Variants in ZNF443 observed in about 807,000 individuals in gnomAD.
ZNF443 encodes Kruppel-type zinc finger (C2H2).
Under a neutral mutation model 12.0 loss-of-function variants are expected in ZNF443, and 3 were observed. That is an observed-to-expected ratio of 0.25 (90% CI 0.11 to 0.64). The LOEUF (loss-of-function observed/expected upper bound fraction) is 0.64. Ranked by LOEUF, ZNF443 falls within the 30% of genes least tolerant of loss-of-function variation. The pLI, the probability that ZNF443 is intolerant of heterozygous loss-of-function variation, is 0.84. For synonymous variants in ZNF443, 225 were observed against 265.9 expected (o/e 0.85, Z 1.50); for missense variants, 770 against 808.8 (o/e 0.95, Z 0.58).
chr19:12,433,587 A>T (rs1970279739), intron 1 of ZNF443, among the ~76,000 whole-genome samples: 1 of 152,180 alleles, frequency 6.6e-6, no homozygotes. Context: ...ATGCTTTTTC[A>T]CAAAGTTGGG....
chr19:12,440,208 A>G (rs1215614105), intron 1 of ZNF443, among the ~76,000 whole-genome samples: 2 of 138,816 alleles, frequency 1.4e-5, no homozygotes, highest in African/African-American at 5.4e-5. Context: ...GCGAGATTGC[A>G]GTTAGATATT....
rs1970249973 is a variant in ZNF443 at position 12,431,243 on chromosome 19, G to A, written c.929C>T (p.Thr310Ile). The A allele has an allele frequency of 1.3e-5, 21 of 1,611,564 alleles. No homozygotes were observed. Among genetic ancestry groups the A allele is most frequent in the East Asian group, 2.2e-5 (1 of 44,668 alleles). The change falls in exon 4 of 4, where the codon ACA becomes ATA. Residue 310 changes from threonine to isoleucine, a missense_variant. By Grantham distance (89) the Thr-to-Ile change is moderately conservative. This residue lies in a region of ZNF443 where 736 missense variants were observed against 689.4 expected (regional missense o/e 1.07). Coordinates refer to ENST00000301547, the MANE Select transcript of ZNF443 (RefSeq NM_005815.5). ...GAAGGCTTTCCCACATTGTTTACAT[G>A]TATAGGGTTTCTCTCCAGTGTGAGT... Reference protein sequence around the residue: ...ERTHTGEKPYTCKQCGKAFSV... With the variant: ...ERTHTGEKPYICKQCGKAFSV...
chr19:12,437,913 G>A (rs1970329704), intron 1 of ZNF443, among the ~76,000 whole-genome samples: 2 of 146,276 alleles, frequency 1.4e-5, no homozygotes, highest in Non-Finnish European at 3.0e-5. Flanking sequence ...CCAATATGGT[G>A]AAACCCCGTC....
In ZNF443 at chr19:12,441,008, C is replaced by A. The variant is rs1479079853; in HGVS notation, c.-94G>T. 19 of 1,606,522 alleles carry A rather than the reference C, an allele frequency of 1.2e-5. No homozygotes were observed. The highest frequency in any genetic ancestry group is 6.8e-5 in the Admixed American group (4 of 59,254). On this transcript the variant is annotated 5_prime_UTR_variant, in exon 1 of 4. Transcript: ENST00000301547. ...AAAGGCTGCCTCAGAACTTCCAGGT[C>A]GTCTCTCAGCTACAGAACCCAGAGC...
Position 12,431,568 on chromosome 19 carries a change from A to C in ZNF443, c.604T>G (p.Cys202Gly). 6.2e-7 allele frequency: 1 copy of C among 1,614,130 alleles called. No individual in the cohort carries two copies. ...RGDGPYKCKLCGKAFFWPSLL... is the reference protein window; with the variant it reads ...RGDGPYKCKLGGKAFFWPSLL... ...CTGGGCCAAAAAAACGCTTTCCCAC[A>C]CAACTTACATTTATAAGGTCCATCT... Residue 202 changes from cysteine to glycine, a missense_variant, in exon 4 of 4, where the codon TGT becomes GGT. Cys to Gly is a radical substitution (Grantham distance 159, BLOSUM62 -3). Around this residue, in one of 3 missense-constraint regions of ZNF443, gnomAD observed 736 missense variants for 689.4 expected, o/e 1.07. Coordinates refer to ENST00000301547, the MANE Select transcript of ZNF443 (RefSeq NM_005815.5).
rs1970281965 is a variant in ZNF443 at position 12,433,825 on chromosome 19, T to G, written c.4-628A>C. Among the ~76,000 whole-genome samples, 7 of 142,462 alleles carry G rather than the reference T, an allele frequency of 4.9e-5. No individual in the cohort carries two copies. The Admixed American group carries it at 5.1e-4, about 10-fold the overall frequency. The allele number at this position is 142,462 out of a possible 152,430, so 93.5% of individuals were successfully genotyped here. A position where few individuals can be genotyped will look rare whatever the true frequency, so the allele number is the denominator to read the frequency against. On this transcript the variant is annotated intron_variant, in intron 1 of 3. Transcript: ENST00000301547. ...CTCCAAAATGCACACTGAATGTTAA[T>G]CTCCAAAGTGGCAGAAAAAAAAAAA...
At chr19:12,435,077 A>G (rs931646112) in intron 1 of ZNF443, among the ~76,000 whole-genome samples, 2 of 150,806 alleles carry the variant, frequency 1.3e-5, no homozygotes, top group African/African-American at 4.9e-5. Flanking sequence ...CTCCAGATTC[A>G]AGCAATTCTC....
Position 12,430,241 on chromosome 19 carries a change from G to A in ZNF443, c.1931C>T (p.Thr644Ile), listed in dbSNP as rs1218735400. Residue 644 changes from threonine (T) to isoleucine (I), a missense_variant, in exon 4 of 4, where the codon ACT (threonine) becomes ATT (isoleucine). Physicochemically the swap from Thr to Ile is moderately conservative, Grantham distance 89 (BLOSUM62 -1). This residue lies in a region of ZNF443 where 30 missense variants were observed against 60.4 expected (regional missense o/e 0.50). Transcript: ENST00000301547. ...CTTACATTCATATGGGTTCTCTCCA[G>A]TGTGAGTTTTTTTCCAGTGAGTCTT... ...HKKTHWKKTH[T>I]GENPYECKEC... 6.2e-7 allele frequency: 1 copy of A among 1,613,778 alleles called. No individual in the cohort carries two copies. Among genetic ancestry groups the A allele is most frequent in the Non-Finnish European group, 8.5e-7 (1 of 1,179,844 alleles).
Position 12,432,380 on chromosome 19 carries a change from A to G in ZNF443, c.188T>C (p.Leu63Pro), listed in dbSNP as rs762890940. 4.5e-6 allele frequency: 7 copies of G among 1,570,638 alleles called. No homozygotes were observed. The South Asian group carries it at 5.8e-5, about 13-fold the overall frequency. ...TTCTCTTGTGAGTGTAAATTACCTT[A>G]GATTTTTCCTGGGATATCTATATTG... Reference protein sequence around the residue: ...EDQYRYPRKNLRCRMLERFVE... With the variant: ...EDQYRYPRKNPRCRMLERFVE... Residue 63 changes from leucine (L) to proline (P), a missense_variant, in exon 3 of 4, where the codon CTA (leucine) becomes CCA (proline). Leu to Pro is a moderately conservative substitution (Grantham distance 98). Coordinates refer to ENST00000301547, the MANE Select transcript of ZNF443 (RefSeq NM_005815.5).
At position 12,430,580 on chromosome 19, in the gene ZNF443, G is replaced by A. The variant is rs141813864; in HGVS notation, c.1592C>T (p.Pro531Leu). 69 of 1,613,598 alleles carry A rather than the reference G, an allele frequency of 4.3e-5. No individual in the cohort carries two copies. The African/African-American group carries it at 6.7e-4, about 16-fold the overall frequency. ...TTTCCTACATGTTTTACACTCATAA[G>A]GTTTCTCTCCTGTGTGAGTCCTTTT... ...RHKRTHTGEK[P>L]YECKTCRKAF... The change falls in exon 4 of 4, where the codon CCT (proline) becomes CTT (leucine). Residue 531 changes from proline (P) to leucine (L), a missense_variant. By Grantham distance (98) the Pro-to-Leu change is moderately conservative (BLOSUM62 -3). Transcript: ENST00000301547.
In ZNF443 at chr19:12,430,632, T is replaced by C. The variant is rs1252497155; in HGVS notation, c.1540A>G (p.Ser514Gly). 6 of 1,612,252 alleles carry C rather than the reference T, an allele frequency of 3.7e-6. No individual in the cohort carries two copies. The highest frequency in any genetic ancestry group is 5.1e-6 in the Non-Finnish European group (6 of 1,179,408). ...TGTCGAGAAAGGTATCTGAAACGACTGAATGCTTTCCCACATTCCTTACAC... is the reference window on the plus strand; with the variant it reads ...TGTCGAGAAAGGTATCTGAAACGACCGAATGCTTTCCCACATTCCTTACAC... Reference protein sequence around the residue: ...YECKECGKAFSRFRYLSRHKR... With the variant: ...YECKECGKAFGRFRYLSRHKR... The change falls in exon 4 of 4, where the codon AGT (serine) becomes GGT (glycine). Residue 514 changes from serine (S) to glycine (G), a missense_variant. Transcript: ENST00000301547.
Position 12,430,896 on chromosome 19 carries a change from A to G in ZNF443, c.1276T>C (p.Cys426Arg). Reference sequence around the variant, plus strand: ...CTGGGATAAACAAAGGCTTTCCCACATACCTTGCATTTATGAGGTCCATCT... The same window carrying G: ...CTGGGATAAACAAAGGCTTTCCCACGTACCTTGCATTTATGAGGTCCATCT... ...TGDGPHKCKVCGKAFVYPSVF... is the reference protein window; with the variant it reads ...TGDGPHKCKVRGKAFVYPSVF... The change falls in exon 4 of 4, where the codon TGT becomes CGT. Residue 426 changes from cysteine to arginine, a missense_variant. Coordinates refer to ENST00000301547, the MANE Select transcript of ZNF443 (RefSeq NM_005815.5). 6.2e-7 allele frequency: 1 copy of G among 1,614,064 alleles called. No individual in the cohort carries two copies. The highest frequency in any genetic ancestry group is 8.5e-7 in the Non-Finnish European group (1 of 1,179,984).
Position 12,431,583 on chromosome 19 carries a change from A to G in ZNF443, c.589T>C (p.Tyr197His). ...HMAVQRGDGP[Y>H]KCKLCGKAFF... ...GCTTTCCCACACAACTTACATTTAT[A>G]AGGTCCATCTCCACGCTGCACTGCC... Residue 197 changes from tyrosine to histidine, a missense_variant, in exon 4 of 4, where the codon TAT (tyrosine) becomes CAT (histidine). Tyr to His is a moderately conservative substitution (Grantham distance 83). Transcript: ENST00000301547. 2.5e-6 allele frequency: 4 copies of G among 1,614,138 alleles called. No homozygotes were observed. Among genetic ancestry groups the G allele is most frequent in the Non-Finnish European group, 3.4e-6 (4 of 1,179,996 alleles).
rs1230245178 is a variant in ZNF443, at chr19:12,430,618, G to A, written c.1554C>T (p.Tyr518=). 1.9e-6 allele frequency: 3 copies of A among 1,613,532 alleles called. No individual in the cohort carries two copies. In the African/African-American group the frequency reaches 4.0e-5, roughly 22 times the overall value. Residue 518 remains tyrosine, a synonymous_variant, in exon 4 of 4, where the codon TAC becomes TAT. Transcript: ENST00000301547. ...TGTGAGTCCTTTTATGTCGAGAAAG[G>A]TATCTGAAACGACTGAATGCTTTCC... The part of the protein sequence containing the change: ...ECGKAFSRFR[Y]LSRHKRTHTG...
rs772700869 is a variant in ZNF443 at position 12,431,043 on chromosome 19, G to A, written c.1129C>T (p.Pro377Ser). 153 of 1,613,016 alleles carry A rather than the reference G, an allele frequency of 9.5e-5. No individual in the cohort carries two copies. The Middle Eastern group carries it at 1.3e-3, about 14-fold the overall frequency. The change falls in exon 4 of 4, where the codon CCT becomes TCT. Residue 377 changes from proline to serine, a missense_variant. By Grantham distance (74) the Pro-to-Ser change is moderately conservative. Coordinates refer to ENST00000301547, the MANE Select transcript of ZNF443 (RefSeq NM_005815.5). ...CKICGKGFDC[P>S]SSLQSHERTH... ...CTTTCATGACTTTGCAGTGAACTAG[G>A]ACAATCAAAGCCTTTCCCACATATC...
chr19:12,440,924 T>A lies in ZNF443; in HGVS notation c.-10A>T. On this transcript the variant is annotated 5_prime_UTR_variant, in exon 1 of 4. Transcript: ENST00000301547. ...CCAGCACACGCACCATTTCCCGACT[T>A]CCGCGGTGTCCCAGGTCCTACCGAC... is the stretch of plus-strand genomic sequence containing the variant. 1 of 1,614,014 alleles carries A rather than the reference T, an allele frequency of 6.2e-7. No homozygotes were observed. Among genetic ancestry groups the A allele is most frequent in the Non-Finnish European group, 8.5e-7 (1 of 1,179,948 alleles).
At chr19:12,438,881 A>G (rs180979267) in intron 1 of ZNF443, among the ~76,000 whole-genome samples, 1 of 152,362 alleles carries the variant, frequency 6.6e-6, no homozygotes, top group African/African-American at 2.4e-5. Flanking sequence ...TTCAAAGTAT[A>G]AAATAACAAT....
chr19:12,433,560 A>T (rs1015835382), intron 1 of ZNF443, among the ~76,000 whole-genome samples: 1 of 152,182 alleles, frequency 6.6e-6, no homozygotes, highest in Non-Finnish European at 1.5e-5. Flanking sequence ...CAGTGCTGAG[A>T]CTGCGTGTCC....
chr19:12,436,766 C>A (rs1342513781), intron 1 of ZNF443, among the ~76,000 whole-genome samples: 1 of 151,908 alleles, frequency 6.6e-6, no homozygotes, highest in East Asian at 1.9e-4. Context: ...CACACACACA[C>A]ACACACACAC....
Sources: gnomAD v4.1 joint callset for allele counts (sites outside exome capture counted in the v4.1 genomes callset) on GRCh38, gnomAD v4.1.1 for gene constraint, gnomAD v4.1.1 regional missense constraint, MANE v1.5 for transcripts, NCBI Gene and HGNC (gene_info 2026-07-23, HGNC 2026-07-21) for gene names.